RGS14: variants seen among roughly 807,000 people sequenced by gnomAD.
The protein encoded by RGS14 is regulator of G-protein signaling 14.
Under a neutral mutation model 63.8 loss-of-function variants are expected in RGS14, and 33 were observed. The ratio of observed to expected loss-of-function variants is 0.52; its 90% CI spans 0.39 to 0.69. The LOEUF (loss-of-function observed/expected upper bound fraction) is 0.69, where lower values mean the gene tolerates loss of function less well. Among genes scored for constraint, RGS14 ranks in the 30% least tolerant of loss-of-function variants. RGS14 has a pLI of 0.00. For missense variants in RGS14, 739 were observed against 742.9 expected (o/e 0.99, Z 0.06); for synonymous variants, 296 against 320.9 (o/e 0.92, Z 0.83).
At position 177,371,800 on chromosome 5, in the gene RGS14, G is replaced by A. The variant is rs1762277710; in HGVS notation, c.1499-73G>A. On this transcript the variant is annotated intron_variant, in intron 14 of 14. Coordinates refer to ENST00000408923, the MANE Select transcript of RGS14 (RefSeq NM_006480.5). The surrounding 1 kb of genome is among the most constrained non-coding windows in gnomAD (Gnocchi z 6.1). ...CCAGGGAGGCAGTGGCCACAGTAAG[G>A]CAGTGGGACTATCGTGGGCTGGCAT... The A allele has an allele frequency of 1.4e-6, 2 of 1,474,632 alleles. No individual in the cohort carries two copies. The highest frequency in any genetic ancestry group is 1.9e-6 in the Non-Finnish European group (2 of 1,075,310). The allele number at this position is 1,474,632 out of a possible 1,614,324, so 91.3% of individuals were successfully genotyped here. A position where few individuals can be genotyped will look rare whatever the true frequency, so the allele number is the denominator to read the frequency against.
Position 177,366,458 on chromosome 5 carries a change from C to G in RGS14, c.246+103C>G, listed in dbSNP as rs976821563. On this transcript the variant is annotated intron_variant, in intron 3 of 14. Coordinates refer to ENST00000408923, the MANE Select transcript of RGS14 (RefSeq NM_006480.5). ...TGGGGTCCTCTGTCAGCTTCCTCAT[C>G]TAGCCTTCCTGCAGCACCCTCTTCC... The G allele has an allele frequency of 7.5e-6, 8 of 1,064,052 alleles. No individual in the cohort carries two copies. In the Admixed American group the frequency reaches 2.2e-4, roughly 29 times the overall value. The allele number at this position is 1,064,052 out of a possible 1,614,324, so 65.9% of individuals were successfully genotyped here. A position where few individuals can be genotyped will look rare whatever the true frequency, so the allele number is the denominator to read the frequency against.
At chr5:177,367,316 GT>G (rs1221977436) in intron 5 of RGS14, 97 bp from the exon 6 acceptor site, 2 of 1,446,592 alleles carry the variant, frequency 1.4e-6, no homozygotes, top group African/African-American at 2.8e-5. Context: ...CCAGCCCTAG[GT>G]TTGGGGCGGG....
intron 5 of RGS14, 48 bp downstream of exon 5, chr5:177,367,082 A>G: frequency 6.4e-7 from 1 of 1,570,636 alleles, no homozygotes; most frequent in Non-Finnish European, 8.6e-7. Context: ...CAAAAGGAGC[A>G]GGGGCGGGGT....
At position 177,368,823 on chromosome 5, in the gene RGS14, G is replaced by A; in HGVS notation, c.956G>A (p.Arg319Lys). 1 of 1,614,244 alleles carries A rather than the reference G, an allele frequency of 6.2e-7. No homozygotes were observed. Among genetic ancestry groups the A allele is most frequent in the Non-Finnish European group, 8.5e-7 (1 of 1,180,042 alleles). The stretch of plus-strand genomic sequence containing the variant: ...GGCACAGCCTCCTTGGCCCTGGCCA[G>A]ACCTGGCCTCACCATCCGAGACATG... ...PDGTASLALA[R>K]PGLTIRDMLA... is the part of the protein sequence containing the mutation. Residue 319 changes from arginine to lysine, a missense_variant, in exon 9 of 15, where the codon AGA becomes AAA. By Grantham distance (26) the Arg-to-Lys change is conservative. Transcript: ENST00000408923.
rs1194207558 is a variant in RGS14, at chr5:177,358,120, G to A, written c.45+51G>A. On this transcript the variant is annotated intron_variant, in intron 1 of 14. Transcript: ENST00000408923. The surrounding 1 kb of genome is among the most constrained non-coding windows in gnomAD (Gnocchi z 4.8). ...CACGAGGAGGGGGTGGGCACACCCA[G>A]GGTGGAGCCCAGGAGGCACACCCGG... 1.7e-5 allele frequency: 22 copies of A among 1,285,448 alleles called. No homozygotes were observed. The highest frequency in any genetic ancestry group is 2.2e-5 in the Non-Finnish European group (22 of 1,002,190). The allele number at this position is 1,285,448 out of a possible 1,614,324, so 79.6% of individuals were successfully genotyped here.
At chr5:177,368,305 C>T in intron 8 of RGS14, 39 bp downstream of exon 8, 1 of 1,573,094 alleles carries the variant, frequency 6.4e-7, no homozygotes, top group South Asian at 1.2e-5. Context: ...GCTCTATGGG[C>T]TAGAGTCACT....
chr5:177,363,149 T>C (rs1315004528), intron 1 of RGS14, among the ~76,000 whole-genome samples: 1 of 152,076 alleles, frequency 6.6e-6, no homozygotes, highest in Non-Finnish European at 1.5e-5. Flanking sequence ...CAGAGGAACC[T>C]TGCGGCCGCG....
In RGS14 at chr5:177,371,069, C is replaced by CCGGGGCCGGGGCCGGGGCCG. The variant is rs1762240757; in HGVS notation, c.1254+38_1254+39insCGGGGCCGGGGCCGGGGCCG. 2.2e-5 allele frequency: 12 copies of CCGGGGCCGGGGCCGGGGCCG among 552,532 alleles called. No individual in the cohort carries two copies. The African/African-American group carries it at 4.3e-4, about 20-fold the overall frequency. 34.2% of individuals were successfully genotyped at this position (552,532 alleles called of 1,614,324 possible). A position where few individuals can be genotyped will look rare whatever the true frequency, so the allele number is the denominator to read the frequency against. ...GCCGCGGGGCGGGGCGGGGCGGGGC[C>CCGGGGCCGGGGCCGGGGCCG]GGGCCGGGGCCGGGGCCGGGGCCGG... On this transcript the variant is annotated intron_variant, in intron 11 of 14. Coordinates refer to ENST00000408923, the MANE Select transcript of RGS14 (RefSeq NM_006480.5). This position sits in a 1 kb window ranked among gnomAD's most constrained non-coding sequence, Gnocchi z 6.1.
In RGS14 at chr5:177,367,084, G is replaced by A. The variant is rs199937137; in HGVS notation, c.483+50G>A. On this transcript the variant is annotated intron_variant, in intron 5 of 14. Coordinates refer to ENST00000408923, the MANE Select transcript of RGS14 (RefSeq NM_006480.5). ...CTTGAAAGGGAGACAAAAGGAGCAG[G>A]GGCGGGGTCGGACCCTGGCGGGGAG... The A allele has an allele frequency of 8.6e-5, 135 of 1,564,758 alleles. No homozygotes were observed. In the African/African-American group the frequency reaches 1.7e-3, roughly 19 times the overall value.
At chr5:177,367,346 G>A in intron 5 of RGS14, 68 bp from the exon 6 acceptor site, 1 of 1,513,332 alleles carries the variant, frequency 6.6e-7, no homozygotes, top group Non-Finnish European at 8.9e-7. Flanking sequence ...CAAGGACCCG[G>A]CCTGGGTGCA....
intron 9 of RGS14, 66 bp downstream of exon 9, chr5:177,368,986 C>T: frequency 6.6e-7 from 1 of 1,505,688 alleles, no homozygotes; most frequent in Non-Finnish European, 9.2e-7. Context: ...CCATTTCTGT[C>T]TCTGCTCAGT....
chr5:177,372,159 C>CCAGGGACACT lies in RGS14; in HGVS notation c.*86_*87insGGGACACTCA. 7.5e-7 allele frequency: 1 copy of CCAGGGACACT among 1,332,132 alleles called. No individual in the cohort carries two copies. Among genetic ancestry groups the CCAGGGACACT allele is most frequent in the Non-Finnish European group, 1.0e-6 (1 of 953,466 alleles). 82.5% of individuals were successfully genotyped at this position (1,332,132 alleles called of 1,614,324 possible). A position where few individuals can be genotyped will look rare whatever the true frequency, so the allele number is the denominator to read the frequency against. Reference sequence around the variant, plus strand: ...GTCCGCTCTGCATGCCCTGTCTGTGCCATGAGTGTCCCTGGCCCCTTCCTG... The same window carrying CCAGGGACACT: ...GTCCGCTCTGCATGCCCTGTCTGTGCCAGGGACACTCATGAGTGTCCCTGGCCCCTTCCTG... On this transcript the variant is annotated 3_prime_UTR_variant, in exon 15 of 15. Coordinates refer to ENST00000408923, the MANE Select transcript of RGS14 (RefSeq NM_006480.5).
chr5:177,367,093 C>A (rs1186916836), intron 5 of RGS14, 59 bp downstream of exon 5: 127 of 1,546,640 alleles, frequency 8.2e-5, no homozygotes, highest in Non-Finnish European at 1.0e-4. Context: ...GGGGCGGGGT[C>A]GGACCCTGGC....
chr5:177,367,718 C>T lies in RGS14; in HGVS notation c.632C>T (p.Pro211Leu). The stretch of plus-strand genomic sequence containing the variant: ...GCGCCTCCCCTGTACCCACAGAAGC[C>T]GAAGCTGAAGCCCGGGAAGTCGCTG... Reference protein sequence around the residue: ...LGSPDATRKKPKLKPGKSLPL... With the variant: ...LGSPDATRKKLKLKPGKSLPL... The change falls in exon 7 of 15, where the codon CCG (proline) becomes CTG (leucine). Residue 211 changes from proline (P) to leucine (L), a missense_variant. Pro to Leu is a moderately conservative substitution (Grantham distance 98, BLOSUM62 -3). Coordinates refer to ENST00000408923, the MANE Select transcript of RGS14 (RefSeq NM_006480.5). The T allele has an allele frequency of 6.2e-7, 1 of 1,612,648 alleles. No homozygotes were observed. Among genetic ancestry groups the T allele is most frequent in the Non-Finnish European group, 8.5e-7 (1 of 1,179,600 alleles).
Position 177,372,067 on chromosome 5 carries a change from G to T in RGS14, c.1693G>T (p.Ala565Ser), listed in dbSNP as rs1442925454. ...GGSLNSTTDS[A>S]L is the part of the protein sequence containing the mutation. ...ATCCTTGAACTCCACCACCGACTCA[G>T]CCCTCTGACAGCTACCCAACAGTCC... Residue 565 changes from alanine to serine, a missense_variant, in exon 15 of 15, where the codon GCC becomes TCC. Transcript: ENST00000408923. The T allele has an allele frequency of 6.2e-7, 1 of 1,613,852 alleles. No homozygotes were observed. The highest frequency in any genetic ancestry group is 1.7e-5 in the Admixed American group (1 of 60,000).
At chr5:177,368,995 G>T (rs1020224585) in intron 9 of RGS14, 75 bp downstream of exon 9, 4 of 1,457,704 alleles carry the variant, frequency 2.7e-6, no homozygotes, top group Non-Finnish European at 3.8e-6. Flanking sequence ...TCTCTGCTCA[G>T]TCATGGCTCC....
At chr5:177,363,518 A>G (rs1200849015) in intron 1 of RGS14, among the ~76,000 whole-genome samples, 1 of 152,182 alleles carries the variant, frequency 6.6e-6, no homozygotes, top group African/African-American at 2.4e-5. Context: ...CCCGCCCCCA[A>G]CACCTGTGCT....
intron 2 of RGS14, 27 bp from the exon 3 acceptor site, chr5:177,366,150 C>G: frequency 6.2e-7 from 1 of 1,600,740 alleles, no homozygotes; most frequent in Non-Finnish European, 8.5e-7. Flanking sequence ...CAGCAAGGCT[C>G]ACCCCAACTT....
chr5:177,370,633 G>A lies in RGS14; in HGVS notation c.1096G>A (p.Glu366Lys), dbSNP rs1175411425. The A allele has an allele frequency of 6.2e-7, 1 of 1,614,130 alleles. No homozygotes were observed. The highest frequency in any genetic ancestry group is 8.5e-7 in the Non-Finnish European group (1 of 1,180,004). Residue 366 changes from glutamate to lysine, a missense_variant, in exon 10 of 15, where the codon GAA becomes AAA. Physicochemically the swap from Glu to Lys is moderately conservative, Grantham distance 56 (BLOSUM62 1). Transcript: ENST00000408923. ...DQDCTVLADQ[E>K]VRLENRITFE... ...GGACTGCACCGTGCTGGCGGATCAG[G>A]AAGTGCGGCTGGAAAACAGGATCAC...
Sources: allele counts gnomAD v4.1 joint callset (sites outside exome capture counted in the v4.1 genomes callset), GRCh38; gene constraint gnomAD v4.1.1; non-coding constraint Gnocchi (gnomAD v3.1); transcripts MANE v1.5; gene names NCBI Gene and HGNC (gene_info 2026-07-23, HGNC 2026-07-21).